Variants in BEST4 observed in about 807,000 individuals in gnomAD.
BEST4 encodes bestrophin 4.
In BEST4, 36 loss-of-function variants were observed where a neutral mutation model predicts 47.1. The observed-to-expected ratio is 0.76, with a 90% CI of 0.59 to 1.01. The LOEUF is 1.01. BEST4 is among the 50% of genes least tolerant of loss of function. The pLI is 0.00. For missense variants in BEST4, 550 were observed against 648.6 expected, an observed-to-expected ratio of 0.85 and a Z score of 1.65; for synonymous variants, 250 against 277.8, an observed-to-expected ratio of 0.90 and a Z score of 1.00.
rs1011168159 is a variant in BEST4, at chr1:44,784,272, C to T, written c.1360G>A (p.Glu454Lys). 7.0e-7 allele frequency: 1 copy of T among 1,437,536 alleles called. No individual in the cohort carries two copies. Among genetic ancestry groups the T allele is most frequent in the South Asian group, 1.4e-5 (1 of 70,700 alleles). 89.0% of individuals were successfully genotyped at this position (1,437,536 alleles called of 1,614,324 possible). ...RFRAEEGGDP[E>K]AAARIEEESA... ...TCCTCCTCGATGCGGGCTGCGGCCT[C>T]GGGGTCGCCGCCCTCCTCCGCCCGG... Residue 454 changes from glutamate (E) to lysine (K), a missense_variant, in exon 9 of 9, where the codon GAG becomes AAG. Transcript: ENST00000372207. This position sits in a 1 kb window ranked among gnomAD's most constrained non-coding sequence, Gnocchi z 6.2.
chr1:44,784,157 G>A lies in BEST4; in HGVS notation c.*53C>T. The A allele has an allele frequency of 7.3e-7, 1 of 1,362,572 alleles. No individual in the cohort carries two copies. Among genetic ancestry groups the A allele is most frequent in the Non-Finnish European group, 9.4e-7 (1 of 1,063,528 alleles). The allele number at this position is 1,362,572 out of a possible 1,614,324, so 84.4% of individuals were successfully genotyped here. A position where few individuals can be genotyped will look rare whatever the true frequency, so the allele number is the denominator to read the frequency against. Reference sequence around the variant, plus strand: ...AGAGCTGGCTGGCAGGACCGGGCACGGGAGGGAAGGAGGGCAGTGGGTGGG... The same window carrying A: ...AGAGCTGGCTGGCAGGACCGGGCACAGGAGGGAAGGAGGGCAGTGGGTGGG... On this transcript the variant is annotated 3_prime_UTR_variant, in exon 9 of 9. Coordinates refer to ENST00000372207, the MANE Select transcript of BEST4 (RefSeq NM_153274.3). The surrounding 1 kb of genome is among the most constrained non-coding windows in gnomAD (Gnocchi z 6.2).
chr1:44,785,550 C>G lies in BEST4; in HGVS notation c.714+49G>C, dbSNP rs377594526. The stretch of plus-strand genomic sequence containing the variant: ...CTAATTCTTCTCATCTCACACACAG[C>G]ACAGGACATACAGTAGGCACTGGGA... On this transcript the variant is annotated intron_variant, in intron 5 of 8. Transcript: ENST00000372207. The G allele has an allele frequency of 3.4e-5, 50 of 1,479,246 alleles. No homozygotes were observed. The African/African-American group carries it at 6.7e-4, about 20-fold the overall frequency. 91.6% of individuals were successfully genotyped at this position (1,479,246 alleles called of 1,614,324 possible).
Position 44,784,392 on chromosome 1 carries a change from G to T in BEST4, c.1240C>A (p.Arg414Ser). The T allele has an allele frequency of 7.1e-7, 1 of 1,402,202 alleles. No homozygotes were observed. Among genetic ancestry groups the T allele is most frequent in the Non-Finnish European group, 9.2e-7 (1 of 1,090,154 alleles). The allele number at this position is 1,402,202 out of a possible 1,614,324, so 86.9% of individuals were successfully genotyped here. A position where few individuals can be genotyped will look rare whatever the true frequency, so the allele number is the denominator to read the frequency against. The change falls in exon 9 of 9, where the codon CGC becomes AGC. Residue 414 changes from arginine (R) to serine (S), a missense_variant. Around this residue, in one of 3 missense-constraint regions of BEST4, gnomAD observed 255 missense variants for 286.6 expected, o/e 0.89. Transcript: ENST00000372207. The surrounding 1 kb of genome is among the most constrained non-coding windows in gnomAD (Gnocchi z 6.2). ...APAAQTPLLG[R>S]FLGVGAPSPA... ...GAGGGCGCCCCTACGCCCAGGAAGCGGCCGAGCAACGGGGTCTGCGCGGCG... is the reference window on the plus strand; with the variant it reads ...GAGGGCGCCCCTACGCCCAGGAAGCTGCCGAGCAACGGGGTCTGCGCGGCG...
At position 44,787,399 on chromosome 1, in the gene BEST4, C is replaced by T. The variant is rs1308058250; in HGVS notation, c.220G>A (p.Asp74Asn). 7 of 1,614,120 alleles carry T rather than the reference C, an allele frequency of 4.3e-6. No homozygotes were observed. Among genetic ancestry groups the T allele is most frequent in the Non-Finnish European group, 5.1e-6 (6 of 1,180,022 alleles). ...QVARYCNRSA[D>N]LIPLSFVLGF... ...AATACAAAGGACAAGGGAATGAGGT[C>T]TGCTGAGCGGTTGCAGTACCGGGCC... Residue 74 changes from aspartate to asparagine, a missense_variant, in exon 2 of 9, where the codon GAC (aspartate) becomes AAC (asparagine). This residue lies in a region of BEST4 where 291 missense variants were observed against 342.4 expected (regional missense o/e 0.85). Transcript: ENST00000372207.
At chr1:44,788,347 G>A (rs1012508996), upstream of BEST4, among the ~76,000 whole-genome samples, 1 of 152,168 alleles carries the variant, frequency 6.6e-6, no homozygotes, top group Non-Finnish European at 1.5e-5. Context: ...AGAAATGCCA[G>A]CTATACTGAC....
Position 44,785,248 on chromosome 1 carries a change from C to A in BEST4, c.772G>T (p.Val258Leu). Residue 258 changes from valine to leucine, a missense_variant, in exon 6 of 9, where the codon GTG (valine) becomes TTG (leucine). By Grantham distance (32) the Val-to-Leu change is conservative. Coordinates refer to ENST00000372207, the MANE Select transcript of BEST4 (RefSeq NM_153274.3). Reference protein sequence around the residue: ...FALSLVGRQFVEPEAGAAKPQ... With the variant: ...FALSLVGRQFLEPEAGAAKPQ... Reference sequence around the variant, plus strand: ...TTGGCAGCCCCTGCCTCTGGCTCCACAAACTGGCGGCCAACCAGGGAGAGG... The same window carrying A: ...TTGGCAGCCCCTGCCTCTGGCTCCAAAAACTGGCGGCCAACCAGGGAGAGG... The A allele has an allele frequency of 6.2e-7, 1 of 1,612,766 alleles. No individual in the cohort carries two copies. The highest frequency in any genetic ancestry group is 8.5e-7 in the Non-Finnish European group (1 of 1,179,492).
chr1:44,787,240 C>T (rs71653927), intron 2 of BEST4, 132 bp downstream of exon 2: 1 of 854,834 alleles, frequency 1.2e-6, no homozygotes, highest in Non-Finnish European at 1.9e-6. Flanking sequence ...CTCAGCCTCT[C>T]GAGTAGCTGA....
chr1:44,791,581 TACGTG>T (rs1651413393), upstream of BEST4, among the ~76,000 whole-genome samples: 1 of 151,966 alleles, frequency 6.6e-6, no homozygotes, highest in African/African-American at 2.4e-5. Context: ...GGGATAAAAG[TACGTG>T]ACCTGAAGCC....
At chr1:44,791,980 C>T (rs932632317), upstream of BEST4, among the ~76,000 whole-genome samples, 12 of 152,158 alleles carry the variant, frequency 7.9e-5, no homozygotes, top group African/African-American at 2.7e-4. Context: ...CGGTAGCTCA[C>T]GCCTGTAATC....
At chr1:44,791,934 A>G (rs2148850542), upstream of BEST4, among the ~76,000 whole-genome samples, 1 of 152,268 alleles carries the variant, frequency 6.6e-6, no homozygotes, top group Non-Finnish European at 1.5e-5. Flanking sequence ...TGGGAAAGCC[A>G]TTGAACCTTT....
rs1049253156 is a variant in BEST4 at position 44,784,567 on chromosome 1, C to T, written c.1148+62G>A. The T allele has an allele frequency of 1.4e-5, 21 of 1,553,702 alleles. No individual in the cohort carries two copies. The East Asian group carries it at 3.1e-4, about 23-fold the overall frequency. On this transcript the variant is annotated intron_variant, in intron 8 of 8. Coordinates refer to ENST00000372207, the MANE Select transcript of BEST4 (RefSeq NM_153274.3). The surrounding 1 kb of genome is among the most constrained non-coding windows in gnomAD (Gnocchi z 6.2). ...GGCTCTCGGGGAAGGACCGAGGCAT[C>T]GGTGCCCCAGAGGCTGAGCGAGGAC... is the stretch of plus-strand genomic sequence containing the variant.
In BEST4 at chr1:44,786,953, T is replaced by A. The variant is rs1651262959; in HGVS notation, c.248-257A>T. 1.3e-5 allele frequency among the ~76,000 whole-genome samples: 2 copies of A among 152,172 alleles called. No individual in the cohort carries two copies. The highest frequency in any genetic ancestry group is 1.3e-4 in the Admixed American group (2 of 15,282). ...AGGGTGGGGAAGGGGTTGTCACCTC[T>A]GTCCAGCTCCCCTGCAGTGCCCAGG... On this transcript the variant is annotated intron_variant, in intron 2 of 8. Transcript: ENST00000372207. This position sits in a 1 kb window ranked among gnomAD's most constrained non-coding sequence, Gnocchi z 4.9.
At position 44,785,612 on chromosome 1, in the gene BEST4, AG is replaced by A; in HGVS notation, c.700del (p.Leu234SerfsTer7). On this transcript the variant is annotated frameshift_variant, in exon 5 of 9. Coordinates refer to ENST00000372207, the MANE Select transcript of BEST4 (RefSeq NM_153274.3). LOFTEE classifies it high-confidence loss of function. ...LFHYDWISIP[L>X]VYTQVVTIAV... ...AGAGGCAGTTACTTGGGTGTAGACG[AG>A]GGGGATGCTGATCCAGTCATAGTGG... 1 of 1,462,592 alleles carries A rather than the reference AG, an allele frequency of 6.8e-7. No individual in the cohort carries two copies. Among genetic ancestry groups the A allele is most frequent in the Non-Finnish European group, 9.1e-7 (1 of 1,101,016 alleles). The allele number at this position is 1,462,592 out of a possible 1,614,324, so 90.6% of individuals were successfully genotyped here.
chr1:44,788,468 A>G (rs1651323754), upstream of BEST4, among the ~76,000 whole-genome samples: 4 of 152,224 alleles, frequency 2.6e-5, 1 homozygote, highest in South Asian at 8.3e-4. Flanking sequence ...TAATAATACC[A>G]GCTGCTGATC....
rs1481162519 is a variant in BEST4, at chr1:44,783,710, TC to T, written c.*499del. The stretch of plus-strand genomic sequence containing the variant: ...GGTTACCAGGGTAAGGTATACCCCT[TC>T]AAGCACGTTTCACATGACTCTCAAA... On this transcript the variant is annotated 3_prime_UTR_variant, in exon 9 of 9. Coordinates refer to ENST00000372207, the MANE Select transcript of BEST4 (RefSeq NM_153274.3). The T allele has an allele frequency of 6.5e-6, 1 of 153,102 alleles. No individual in the cohort carries two copies. The highest frequency in any genetic ancestry group is 1.5e-5 in the Non-Finnish European group (1 of 68,738). The allele number at this position is 153,102 out of a possible 1,614,324, so 9.5% of individuals were successfully genotyped here.
At chr1:44,792,284 G>A (rs1450233367), upstream of BEST4, among the ~76,000 whole-genome samples, 3 of 151,818 alleles carry the variant, frequency 2.0e-5, no homozygotes, top group South Asian at 2.1e-4. Context: ...AAAATTAGCC[G>A]GGCTTGGTGG....
chr1:44,790,351 C>T (rs1207334461), upstream of BEST4, among the ~76,000 whole-genome samples: 1 of 152,192 alleles, frequency 6.6e-6, no homozygotes, highest in Admixed American at 6.5e-5. Context: ...TCACCAGTCT[C>T]TGCCTAGCTC....
intron 5 of BEST4, 139 bp downstream of exon 5, chr1:44,785,460 G>C: frequency 8.4e-7 from 1 of 1,194,448 alleles, no homozygotes; most frequent in Non-Finnish European, 1.2e-6. Context: ...TGTTGGGGGT[G>C]GTGGGGGGCT....
At chr1:44,785,026 C>T (rs1203949164) in intron 6 of BEST4, 41 bp from the exon 7 acceptor site, 3 of 1,612,100 alleles carry the variant, frequency 1.9e-6, no homozygotes, top group African/African-American at 2.7e-5. Context: ...TTCAGAGCCC[C>T]ACTCTTTTTC....
Sources: gnomAD v4.1 joint callset for allele counts (sites outside exome capture counted in the v4.1 genomes callset) on GRCh38, gnomAD v4.1.1 for gene constraint, gnomAD v4.1.1 regional missense constraint, Gnocchi (gnomAD v3.1) non-coding constraint, MANE v1.5 for transcripts, NCBI Gene and HGNC (gene_info 2026-07-23, HGNC 2026-07-21) for gene names.